Variants in EYS observed in about 807,000 individuals in gnomAD.
The protein encoded by EYS is protein eyes shut homolog.
Under a neutral mutation model 282.1 loss-of-function variants are expected in EYS, and 250 were observed. The observed-to-expected ratio is 0.89, with a 90% CI of 0.80 to 0.98. The LOEUF (loss-of-function observed/expected upper bound fraction) is 0.98. EYS is among the 50% of genes least tolerant of loss of function. EYS has a pLI of 0.00. For synonymous variants in EYS, 1,355 were observed against 1,282.9 expected (o/e 1.06, Z -1.20); for missense variants, 4,016 against 3,709.0 (o/e 1.08, Z -2.15).
Position 64,058,863 on chromosome 6 carries a change from A to G in EYS, c.6725+7475T>C, listed in dbSNP as rs575195932. On this transcript the variant is annotated intron_variant, in intron 33 of 42. Transcript: ENST00000503581. ...GCACAAAAATAATTTAAACTTCCTC[A>G]ATAGTCTTTTCTGACAGTGGTAGAA... Among the ~76,000 whole-genome samples the G allele has an allele frequency of 2.0e-5, 3 of 152,334 alleles. No individual in the cohort carries two copies. The East Asian group carries it at 5.8e-4, about 29-fold the overall frequency.
intron 22 of EYS, among the ~76,000 whole-genome samples, chr6:64,674,648 A>G (rs1252452370): frequency 6.6e-6 from 1 of 151,976 alleles, no homozygotes; most frequent in African/African-American, 2.4e-5. Context: ...TCCTTGGCTT[A>G]TCTTGCTTTC....
intron 2 of EYS, among the ~76,000 whole-genome samples, chr6:65,523,425 A>G (rs1244514451): frequency 6.6e-6 from 1 of 152,208 alleles, no homozygotes; most frequent in Non-Finnish European, 1.5e-5. Context: ...AATAAGCCAG[A>G]CACAGAGAGA....
chr6:65,561,544 C>T (rs13204681), intron 2 of EYS, among the ~76,000 whole-genome samples: 15,769 of 152,008 alleles, frequency 0.1, 979 homozygotes, highest in South Asian at 0.19. Context: ...TCTCATTTTG[C>T]TTTTCCAATG....
intron 4 of EYS, 100 bp downstream of exon 4, chr6:65,494,563 G>A (rs1274660964): frequency 3.5e-6 from 4 of 1,152,612 alleles, no homozygotes; most frequent in Non-Finnish European, 5.0e-6. Context: ...TTACAGGTGT[G>A]AGCCACCGCA....
intron 2 of EYS, among the ~76,000 whole-genome samples, chr6:65,556,834 T>C (rs1320471301): frequency 6.6e-6 from 1 of 152,160 alleles, no homozygotes; most frequent in African/African-American, 2.4e-5. Context: ...ATGAATTCTA[T>C]ATAACTTAAT....
chr6:65,094,317 G>GAAAAA (rs35028634), intron 12 of EYS, among the ~76,000 whole-genome samples: 7 of 73,806 alleles, frequency 9.5e-5, no homozygotes, highest in East Asian at 4.8e-4. Flanking sequence ...ATATCTTAAC[G>GAAAAA]AAAAAAAAAA....
At chr6:65,623,148 T>A (rs1766581078) in intron 2 of EYS, among the ~76,000 whole-genome samples, 1 of 152,158 alleles carries the variant, frequency 6.6e-6, no homozygotes, top group Non-Finnish European at 1.5e-5. Context: ...AGAAAGAGTC[T>A]GAGCTCTGGG....
intron 8 of EYS, among the ~76,000 whole-genome samples, chr6:65,373,391 C>G (rs1269027347): frequency 6.6e-6 from 1 of 152,046 alleles, no homozygotes; most frequent in Non-Finnish European, 1.5e-5. Context: ...CTTTTGCCAT[C>G]TAAATGGCTC....
chr6:64,036,793 G>A (rs146643111), intron 33 of EYS, among the ~76,000 whole-genome samples: 1 of 152,164 alleles, frequency 6.6e-6, no homozygotes, highest in Non-Finnish European at 1.5e-5. Flanking sequence ...TTCAATCTAT[G>A]ATGTAATAAA....
intron 24 of EYS, among the ~76,000 whole-genome samples, chr6:64,602,937 T>C (rs1766807303): frequency 6.6e-6 from 1 of 151,970 alleles, no homozygotes; most frequent in African/African-American, 2.4e-5. Context: ...GAGCCCTGGG[T>C]GAGTTTTTCT....
chr6:64,872,158 T>A (rs1583244892), intron 19 of EYS, among the ~76,000 whole-genome samples: 1 of 152,050 alleles, frequency 6.6e-6, no homozygotes, highest in Non-Finnish European at 1.5e-5. Context: ...GGAGAGTGTA[T>A]GTCCCATCTC....
At chr6:65,448,014 G>T (rs1247325376) in intron 5 of EYS, among the ~76,000 whole-genome samples, 1 of 152,044 alleles carries the variant, frequency 6.6e-6, no homozygotes, top group Non-Finnish European at 1.5e-5. Flanking sequence ...ATACAGTCAA[G>T]TCAGATTACG....
chr6:65,495,530 C>G lies in EYS; in HGVS notation c.-120G>C, dbSNP rs1482471142. On this transcript the variant is annotated 5_prime_UTR_variant, in exon 4 of 43. Coordinates refer to ENST00000503581, the MANE Select transcript of EYS (RefSeq NM_001142800.2). ...AGGATTCCTGGGAATTGGAATTGAC[C>G]TTTTTTCTATACCCAAAGTAGCTTT... 16 of 1,040,032 alleles carry G rather than the reference C, an allele frequency of 1.5e-5. No individual in the cohort carries two copies. The highest frequency in any genetic ancestry group is 2.0e-5 in the Non-Finnish European group (14 of 701,314). The allele number at this position is 1,040,032 out of a possible 1,614,324, so 64.4% of individuals were successfully genotyped here.
chr6:64,029,124 G>A (rs573579073), intron 33 of EYS, among the ~76,000 whole-genome samples: 40 of 152,280 alleles, frequency 2.6e-4, no homozygotes, highest in Middle Eastern at 3.4e-3. Context: ...ACCAGAGGCA[G>A]AAACAGCCTT....
At chr6:65,236,243 T>C (rs543782516) in intron 12 of EYS, among the ~76,000 whole-genome samples, 1 of 152,164 alleles carries the variant, frequency 6.6e-6, no homozygotes, top group East Asian at 1.9e-4. Context: ...GGTCATATTC[T>C]AAGGTACTGG....
At chr6:65,443,280 A>G (rs1394305368) in intron 5 of EYS, among the ~76,000 whole-genome samples, 1 of 148,544 alleles carries the variant, frequency 6.7e-6, no homozygotes, top group African/African-American at 2.4e-5. Flanking sequence ...ATAGACATGT[A>G]TGCATGCATA....
At chr6:63,996,424 G>A (rs1321249900) in intron 34 of EYS, among the ~76,000 whole-genome samples, 1 of 152,072 alleles carries the variant, frequency 6.6e-6, no homozygotes, top group Non-Finnish European at 1.5e-5. Context: ...TAGCAATAAT[G>A]TGTATATAAT....
chr6:64,847,688 C>T (rs1001613392), intron 19 of EYS, among the ~76,000 whole-genome samples: 4 of 152,046 alleles, frequency 2.6e-5, no homozygotes, highest in Non-Finnish European at 4.4e-5. Flanking sequence ...ACACTAACCC[C>T]TACCATGTCT....
chr6:64,869,397 T>G (rs144979320), intron 19 of EYS, among the ~76,000 whole-genome samples: 1 of 151,718 alleles, frequency 6.6e-6, no homozygotes, highest in African/African-American at 2.4e-5. Context: ...TCATGGAACT[T>G]TGTTCTCAAG....
Sources: gnomAD v4.1 joint callset for allele counts (sites outside exome capture counted in the v4.1 genomes callset) on GRCh38, gnomAD v4.1.1 for gene constraint, MANE v1.5 for transcripts, NCBI Gene and HGNC (gene_info 2026-07-23, HGNC 2026-07-21) for gene names.